The following ZFHX3 variants were observed in gnomAD, a reference collection of about 807,000 sequenced individuals.
ZFHX3 encodes the protein zinc finger homeobox 3.
ZFHX3 carries 42 observed loss-of-function variants against 279.1 expected under a neutral mutation model. That is an observed-to-expected ratio of 0.15 (90% CI 0.12 to 0.19). The LOEUF (loss-of-function observed/expected upper bound fraction) is 0.19, where lower values mean the gene tolerates loss of function less well. ZFHX3 is among the 10% of genes least tolerant of loss of function. The pLI is 1.00. For synonymous variants in ZFHX3, 2,293 were observed against 1,957.8 expected, an observed-to-expected ratio of 1.17 and a Z score of -4.52; for missense variants, 4,981 against 4,754.0, an observed-to-expected ratio of 1.05 and a Z score of -1.40.
At chr16:73,848,622 A>G (rs768107219) in intron 1 of ZFHX3, among the ~76,000 whole-genome samples, 1 of 152,184 alleles carries the variant, frequency 6.6e-6, no homozygotes, top group Non-Finnish European at 1.5e-5. Flanking sequence ...CATCATATAC[A>G]TTAGGAATTT....
chr16:73,284,818 T>A (rs147318333), intron 4 of ZFHX3, among the ~76,000 whole-genome samples: 16 of 152,272 alleles, frequency 1.1e-4, no homozygotes, highest in African/African-American at 3.1e-4. Flanking sequence ...AATAGGCATA[T>A]ATTCTTTTTT....
intron 2 of ZFHX3, among the ~76,000 whole-genome samples, chr16:73,519,571 A>G (rs1036083865): frequency 1.4e-4 from 21 of 151,284 alleles, no homozygotes; most frequent in Non-Finnish European, 2.7e-4. Flanking sequence ...CCCATTTTCT[A>G]CCTCCCAAAG....
intron 2 of ZFHX3, among the ~76,000 whole-genome samples, chr16:73,587,210 T>C (rs1056865736): frequency 3.3e-5 from 5 of 152,178 alleles, no homozygotes; most frequent in African/African-American, 1.2e-4. Flanking sequence ...AAATTACAAT[T>C]TGAGATTTAT....
At chr16:73,783,075 G>A (rs1171845732) in intron 1 of ZFHX3, among the ~76,000 whole-genome samples, 2 of 152,164 alleles carry the variant, frequency 1.3e-5, no homozygotes, top group African/African-American at 4.8e-5. Context: ...GCCATGGTGA[G>A]CAGCCCACTC....
At chr16:73,191,095 G>T (rs1249322077) in intron 5 of ZFHX3, among the ~76,000 whole-genome samples, 3 of 152,100 alleles carry the variant, frequency 2.0e-5, no homozygotes, top group Non-Finnish European at 2.9e-5. Context: ...GTCATATTCA[G>T]AGGCGTGGGA....
chr16:73,499,788 A>T (rs1230332126), intron 2 of ZFHX3: 1 of 152,216 alleles, frequency 6.6e-6, no homozygotes, highest in Non-Finnish European at 1.5e-5. Context: ...CCACATGACA[A>T]CGTTTCAATC....
intron 1 of ZFHX3, among the ~76,000 whole-genome samples, chr16:73,781,190 C>T (rs1307597899): frequency 6.6e-6 from 1 of 152,200 alleles, no homozygotes; most frequent in Non-Finnish European, 1.5e-5. Context: ...GAGCAAGCAA[C>T]GTAGCTGTAT....
chr16:73,698,382 G>T (rs545365247), intron 1 of ZFHX3, among the ~76,000 whole-genome samples: 1 of 152,224 alleles, frequency 6.6e-6, no homozygotes, highest in South Asian at 2.1e-4. Context: ...ATTGTTAGAG[G>T]TAAGGCCCAC....
intron 5 of ZFHX3, among the ~76,000 whole-genome samples, chr16:73,229,506 T>A (rs115957144): frequency 6.6e-6 from 1 of 152,194 alleles, no homozygotes; most frequent in African/African-American, 2.4e-5. Context: ...AGGGTTAATA[T>A]GTTTTATGAT....
intron 3 of ZFHX3, 128 bp from the exon 4 acceptor site, chr16:72,890,090 G>A (rs1255114300): frequency 6.4e-6 from 5 of 785,230 alleles, no homozygotes; most frequent in African/African-American, 5.2e-5. Flanking sequence ...CAGCCAAACA[G>A]GACAGTCTTT....
chr16:73,040,263 C>T lies in ZFHX3; in HGVS notation c.-50+7489G>A, dbSNP rs138474056. 6.6e-3 allele frequency among the ~76,000 whole-genome samples: 1,005 copies of T among 152,058 alleles called. 11 individuals are homozygous for T. The highest frequency in any genetic ancestry group is 0.023 in the African/African-American group (970 of 41,476). ...GGGGCCTGCAGGTATAGGAAGGGGA[C>T]AGGGCAAGGGACAGGCGAGGCCAAG... is the stretch of plus-strand genomic sequence containing the variant. On this transcript the variant is annotated intron_variant, in intron 1 of 9. Transcript: ENST00000268489.
chr16:72,957,844 G>T lies in ZFHX3; in HGVS notation c.2302C>A (p.His768Asn). The change falls in exon 2 of 10, where the codon CAC becomes AAC. Residue 768 changes from histidine (H) to asparagine (N), a missense_variant. Physicochemically the swap from His to Asn is moderately conservative, Grantham distance 68. Around this residue, in one of 7 missense-constraint regions of ZFHX3, gnomAD observed 1,751 missense variants for 1,770.0 expected, o/e 0.99. Coordinates refer to ENST00000268489, the MANE Select transcript of ZFHX3 (RefSeq NM_006885.4). The part of the protein sequence containing the change: ...QNGGGEQVFS[H>N]TAGAAAAAVA... ...GCCGCCGCCGCCGCCCCGGCAGTGT[G>T]GCTGAAGACCTGCTCCCCCCCTCCA... The T allele has an allele frequency of 6.2e-7, 1 of 1,613,478 alleles. No homozygotes were observed. Among genetic ancestry groups the T allele is most frequent in the Non-Finnish European group, 8.5e-7 (1 of 1,179,798 alleles).
chr16:73,153,796 C>T (rs1033526534), intron 5 of ZFHX3, among the ~76,000 whole-genome samples: 2 of 152,002 alleles, frequency 1.3e-5, no homozygotes, highest in African/African-American at 4.8e-5. Flanking sequence ...ACTAAAGGCG[C>T]ACACCACTAC....
chr16:73,014,772 A>G (rs187828905), intron 1 of ZFHX3, among the ~76,000 whole-genome samples: 109 of 151,964 alleles, frequency 7.2e-4, no homozygotes, highest in African/African-American at 2.5e-3. Flanking sequence ...TCGGCCTCCC[A>G]AAGTGCTGGG....
intron 5 of ZFHX3, among the ~76,000 whole-genome samples, chr16:73,226,982 A>G (rs2012615203): frequency 6.6e-6 from 1 of 152,202 alleles, no homozygotes; most frequent in Non-Finnish European, 1.5e-5. Context: ...CCGATATTTT[A>G]TGGTATTAGA....
intron 3 of ZFHX3, among the ~76,000 whole-genome samples, chr16:73,382,516 TG>T (rs2016833268): frequency 6.6e-6 from 1 of 152,112 alleles, no homozygotes; most frequent in African/African-American, 2.4e-5. Context: ...ATATGATTTA[TG>T]TTTTAAAAAG....
At chr16:73,621,085 G>A (rs1241695890) in intron 2 of ZFHX3, among the ~76,000 whole-genome samples, 1 of 152,162 alleles carries the variant, frequency 6.6e-6, no homozygotes, top group Non-Finnish European at 1.5e-5. Context: ...TAGCACCAAC[G>A]GCCATTACTG....
At chr16:73,799,685 T>A (rs1263542349) in intron 1 of ZFHX3, among the ~76,000 whole-genome samples, 1 of 152,160 alleles carries the variant, frequency 6.6e-6, no homozygotes, top group Non-Finnish European at 1.5e-5. Flanking sequence ...CAGTTCTTCC[T>A]TGAAACCTCC....
chr16:73,366,515 T>C (rs552505551), intron 3 of ZFHX3, among the ~76,000 whole-genome samples: 1 of 151,364 alleles, frequency 6.6e-6, no homozygotes, highest in African/African-American at 2.4e-5. Flanking sequence ...GAGGATTGCT[T>C]GAGCCCAGGA....
Sources: allele counts gnomAD v4.1 joint callset (sites outside exome capture counted in the v4.1 genomes callset), GRCh38; gene constraint gnomAD v4.1.1; regional missense constraint gnomAD v4.1.1; transcripts MANE v1.5; gene names NCBI Gene and HGNC (gene_info 2026-07-23, HGNC 2026-07-21).